The following CDH12 variants were observed in gnomAD, a reference collection of about 807,000 sequenced individuals.
CDH12 encodes the protein cadherin 12.
In CDH12, 41 loss-of-function variants were observed where a neutral mutation model predicts 74.1. The ratio of observed to expected loss-of-function variants is 0.55; its 90% confidence interval spans 0.43 to 0.72. CDH12 has a LOEUF of 0.72. CDH12 is among the 30% of genes least tolerant of loss of function. The pLI is 0.00. For missense variants in CDH12, 945 were observed against 977.2 expected (o/e 0.97, Z 0.44); for synonymous variants, 399 against 355.0 (o/e 1.12, Z -1.39).
intron 9 of CDH12, among the ~76,000 whole-genome samples, chr5:21,804,612 TAATA>T (rs768094657): frequency 7.7e-5 from 11 of 142,638 alleles, no homozygotes; most frequent in Admixed American, 1.4e-4. Context: ...AGAAAACCTC[TAATA>T]AATAAAATCA....
intron 5 of CDH12, among the ~76,000 whole-genome samples, chr5:21,988,223 G>T (rs917624378): frequency 6.6e-6 from 1 of 152,168 alleles, no homozygotes; most frequent in Non-Finnish European, 1.5e-5. Context: ...CTGGCGTTGC[G>T]GCTCATGTCT....
chr5:21,786,631 T>C (rs1013651476), intron 10 of CDH12, among the ~76,000 whole-genome samples: 3 of 152,170 alleles, frequency 2.0e-5, no homozygotes, highest in Admixed American at 6.6e-5. Context: ...CTAAAGTCCA[T>C]AGACAAAAAA....
At chr5:21,873,776 GCTCTCCCTCC>G (rs1306218175) in intron 6 of CDH12, among the ~76,000 whole-genome samples, 2 of 151,960 alleles carry the variant, frequency 1.3e-5, no homozygotes, top group Non-Finnish European at 2.9e-5. Context: ...TTTTCCAGAT[GCTCTCCCTCC>G]CCCACCCTCC....
intron 1 of CDH12, among the ~76,000 whole-genome samples, chr5:22,567,725 CATTG>C (rs1414581781): frequency 1.3e-5 from 2 of 152,170 alleles, no homozygotes; most frequent in African/African-American, 4.8e-5. Context: ...ACTTTGGCAT[CATTG>C]ATTGAGTACA....
chr5:22,233,928 C>T (rs1479200263), intron 3 of CDH12, among the ~76,000 whole-genome samples: 2 of 152,146 alleles, frequency 1.3e-5, no homozygotes, highest in South Asian at 4.1e-4. Context: ...AATGCATAGT[C>T]CCAATAGTGC....
rs34061040 is a variant in CDH12, at chr5:21,925,941, TA to T, written c.526+49149del. Among the ~76,000 whole-genome samples, 809 of 149,628 alleles carry T rather than the reference TA, an allele frequency of 5.4e-3. 7 individuals carry two copies. Among genetic ancestry groups the T allele is most frequent in the African/African-American group, 0.019 (761 of 40,842 alleles). On this transcript the variant is annotated intron_variant, in intron 6 of 14. Transcript: ENST00000382254. ...TATGACTCCAATAACATGCTTTTGA[TA>T]AAAAAAAAAGAAATGATTTCTGGCA...
chr5:22,160,879 G>T (rs898774679), intron 4 of CDH12, among the ~76,000 whole-genome samples: 2 of 152,230 alleles, frequency 1.3e-5, no homozygotes, highest in East Asian at 1.9e-4. Flanking sequence ...ATACAAGTTT[G>T]GGGGAAAAGC....
intron 1 of CDH12, among the ~76,000 whole-genome samples, chr5:22,795,899 T>A (rs1748177614): frequency 6.6e-6 from 1 of 152,116 alleles, no homozygotes. Context: ...GAGGACCACC[T>A]GTGGAATTTA....
chr5:22,828,314 T>C (rs1736431774), intron 1 of CDH12, among the ~76,000 whole-genome samples: 1 of 152,164 alleles, frequency 6.6e-6, no homozygotes, highest in Non-Finnish European at 1.5e-5. Flanking sequence ...TGGGGAAATA[T>C]ATTTTTAATT....
chr5:22,782,366 TGTTCTCATGATAGTGAAAGA>T (rs1427988470), intron 1 of CDH12, among the ~76,000 whole-genome samples: 2 of 152,144 alleles, frequency 1.3e-5, no homozygotes, highest in Non-Finnish European at 2.9e-5. Flanking sequence ...TCCCCCGTGC[TGTTCTCATGATAGTGAAAGA>T]GTTCTCATGA....
Position 22,078,603 on chromosome 5 carries a change from G to A in CDH12, c.74C>T (p.Pro25Leu). 6.2e-7 allele frequency: 1 copy of A among 1,613,908 alleles called. No individual in the cohort carries two copies. ...TGTGGCTAAAGTCTGCTGTGGCTGT[G>A]GTTGTAGTGGTGTTAGGAGACCTCC... Reference protein sequence around the residue: ...FDGGLLTPLQPQPQQTLATEP... With the variant: ...FDGGLLTPLQLQPQQTLATEP... Residue 25 changes from proline to leucine, a missense_variant, in exon 5 of 15, where the codon CCA (proline) becomes CTA (leucine). Transcript: ENST00000382254.
chr5:22,623,163 C>T (rs917998008), intron 1 of CDH12, among the ~76,000 whole-genome samples: 7 of 152,144 alleles, frequency 4.6e-5, no homozygotes, highest in Non-Finnish European at 8.8e-5. Context: ...ATTGATGGGA[C>T]GTATCTCAAA....
intron 1 of CDH12, among the ~76,000 whole-genome samples, chr5:22,691,930 C>T (rs1260347107): frequency 6.6e-6 from 1 of 152,070 alleles, no homozygotes; most frequent in Non-Finnish European, 1.5e-5. Context: ...TTTTCTTTTC[C>T]TCCCACTTCA....
At chr5:21,959,752 CA>C (rs1176227757) in intron 6 of CDH12, among the ~76,000 whole-genome samples, 4,826 of 80,812 alleles carry the variant, frequency 0.06, 107 homozygotes, top group African/African-American at 0.12. Context: ...TACTAAAATC[CA>C]AAAAAAAAAA....
chr5:22,584,641 G>A (rs184048962), intron 1 of CDH12, among the ~76,000 whole-genome samples: 146 of 152,156 alleles, frequency 9.6e-4, no homozygotes, highest in South Asian at 4.0e-3. Flanking sequence ...GTAATGGCAG[G>A]TCATCTCACT....
At chr5:21,870,731 T>C (rs1751575608) in intron 6 of CDH12, among the ~76,000 whole-genome samples, 2 of 152,132 alleles carry the variant, frequency 1.3e-5, no homozygotes, top group African/African-American at 4.8e-5. Flanking sequence ...TTTACAAGAA[T>C]TAGTGTGTTT....
At chr5:21,843,879 T>C (rs192448788) in intron 7 of CDH12, among the ~76,000 whole-genome samples, 83 of 152,332 alleles carry the variant, frequency 5.4e-4, no homozygotes, top group African/African-American at 1.9e-3. Context: ...TCTAGATAGA[T>C]GCCTGGGTTT....
At chr5:21,819,778 A>C (rs953031543) in intron 8 of CDH12, among the ~76,000 whole-genome samples, 19 of 152,086 alleles carry the variant, frequency 1.2e-4, no homozygotes, top group Admixed American at 1.1e-3. Context: ...TGTGGCCAGC[A>C]GTGGGAGTGG....
intron 3 of CDH12, among the ~76,000 whole-genome samples, chr5:22,218,170 TA>T (rs1400513545): frequency 1.3e-5 from 2 of 151,762 alleles, no homozygotes; most frequent in Non-Finnish European, 3.0e-5. Flanking sequence ...GCAATCACTC[TA>T]AAATACATTG....
Sources: gnomAD v4.1 joint callset for allele counts (sites outside exome capture counted in the v4.1 genomes callset) on GRCh38, gnomAD v4.1.1 for gene constraint, MANE v1.5 for transcripts, NCBI Gene and HGNC (gene_info 2026-07-23, HGNC 2026-07-21) for gene names.